The following SLC13A1 variants were observed in gnomAD, a reference collection of about 807,000 sequenced individuals.
SLC13A1 encodes the protein solute carrier family 13 member 1.
In SLC13A1, 65 loss-of-function variants were observed where a neutral mutation model predicts 70.0. The ratio of observed to expected loss-of-function variants is 0.93; its 90% CI spans 0.76 to 1.14. The LOEUF (loss-of-function observed/expected upper bound fraction) is 1.14, where lower values mean the gene tolerates loss of function less well. Among genes scored for constraint, SLC13A1 ranks in the 50% most tolerant of loss-of-function variants. The pLI is 0.00. For synonymous variants in SLC13A1, 275 were observed against 250.5 expected, an observed-to-expected ratio of 1.10 and a Z score of -0.92; for missense variants, 726 against 717.8, an observed-to-expected ratio of 1.01 and a Z score of -0.13.
At position 123,123,143 on chromosome 7, in the gene SLC13A1, G is replaced by T; in HGVS notation, c.1333C>A (p.Leu445Met). The T allele has an allele frequency of 6.2e-7, 1 of 1,612,558 alleles. No homozygotes were observed. The highest frequency in any genetic ancestry group is 1.1e-5 in the South Asian group (1 of 91,058). Residue 445 changes from leucine (L) to methionine (M), a missense_variant, in exon 12 of 15, where the codon CTG (leucine) becomes ATG (methionine). Coordinates refer to ENST00000194130, the MANE Select transcript of SLC13A1 (RefSeq NM_022444.4). Reference protein sequence around the residue: ...IAILVGGGFALADGCEESGLS... With the variant: ...IAILVGGGFAMADGCEESGLS... ...AGTATTACCTCACAACCATCTGCCA[G>T]GGCAAACCCTCCACCAACAAGAATG...
At chr7:123,161,571 G>A (rs189621527) in intron 6 of SLC13A1, among the ~76,000 whole-genome samples, 5 of 152,288 alleles carry the variant, frequency 3.3e-5, no homozygotes, top group Non-Finnish European at 5.9e-5. Context: ...AGAATGGACA[G>A]AGGGAGATGG....
At chr7:123,131,115 T>C (rs1268138995) in intron 8 of SLC13A1, among the ~76,000 whole-genome samples, 2 of 152,226 alleles carry the variant, frequency 1.3e-5, no homozygotes, top group East Asian at 1.9e-4. Flanking sequence ...GGCAAGCCTA[T>C]ACATTCATAA....
chr7:123,121,555 T>C lies in SLC13A1; in HGVS notation c.1350+1571A>G, dbSNP rs542021025. ...GTTGTTATTGCAATTTTAATGGATA[T>C]CTGAAATAAAAAATAAATCCTGCAT... On this transcript the variant is annotated intron_variant, in intron 12 of 14. Coordinates refer to ENST00000194130, the MANE Select transcript of SLC13A1 (RefSeq NM_022444.4). Among the ~76,000 whole-genome samples the C allele has an allele frequency of 6.6e-5, 10 of 152,194 alleles. No individual in the cohort carries two copies. In the East Asian group the frequency reaches 1.9e-3, roughly 29 times the overall value.
intron 7 of SLC13A1, among the ~76,000 whole-genome samples, chr7:123,144,596 C>T (rs533032132): frequency 6.6e-6 from 1 of 152,122 alleles, no homozygotes; most frequent in East Asian, 1.9e-4. Context: ...ATTTTAGCTC[C>T]CAGGTAAAAA....
intron 14 of SLC13A1, among the ~76,000 whole-genome samples, chr7:123,116,143 A>G (rs1480960276): frequency 2.6e-5 from 4 of 152,204 alleles, no homozygotes; most frequent in Admixed American, 1.3e-4. Context: ...GTAATTGTTA[A>G]TTTAACCTTC....
At chr7:123,171,734 C>T (rs1327152580) in intron 3 of SLC13A1, 34 bp downstream of exon 3, 1 of 1,609,896 alleles carries the variant, frequency 6.2e-7, no homozygotes, top group Non-Finnish European at 8.5e-7. Context: ...GTCTGTTCAG[C>T]AGGTAAACTG....
intron 8 of SLC13A1, among the ~76,000 whole-genome samples, chr7:123,133,390 C>G (rs932254310): frequency 6.6e-6 from 1 of 151,268 alleles, no homozygotes; most frequent in African/African-American, 2.5e-5. Context: ...AAGGAAATCT[C>G]CACATTAAAC....
intron 6 of SLC13A1, among the ~76,000 whole-genome samples, chr7:123,163,822 A>C (rs1211937112): frequency 2.6e-5 from 4 of 152,030 alleles, no homozygotes; most frequent in Non-Finnish European, 5.9e-5. Flanking sequence ...TTAACTAGAC[A>C]CTGGAAACTT....
intron 14 of SLC13A1, among the ~76,000 whole-genome samples, chr7:123,115,868 A>G (rs868405703): frequency 4.6e-5 from 7 of 152,170 alleles, no homozygotes; most frequent in African/African-American, 1.7e-4. Flanking sequence ...GGTGTGCTGC[A>G]CCCATTAACT....
intron 6 of SLC13A1, among the ~76,000 whole-genome samples, chr7:123,162,020 A>G (rs932805680): frequency 2.0e-5 from 3 of 150,592 alleles, no homozygotes; most frequent in African/African-American, 7.4e-5. Context: ...GGAGACAAAC[A>G]TATTTCTTTT....
At chr7:123,138,383 G>A (rs537370904) in intron 7 of SLC13A1, among the ~76,000 whole-genome samples, 85 of 152,310 alleles carry the variant, frequency 5.6e-4, no homozygotes, top group Middle Eastern at 3.4e-3. Flanking sequence ...AAACATGGGA[G>A]TGCAGATATA....
intron 1 of SLC13A1, among the ~76,000 whole-genome samples, chr7:123,189,432 C>G (rs1017991758): frequency 3.3e-5 from 5 of 152,108 alleles, no homozygotes; most frequent in African/African-American, 1.2e-4. Flanking sequence ...GAATTATGCT[C>G]TTTTAACATT....
At chr7:123,146,368 T>C (rs976769967) in intron 7 of SLC13A1, among the ~76,000 whole-genome samples, 4 of 151,948 alleles carry the variant, frequency 2.6e-5, no homozygotes, top group Non-Finnish European at 4.4e-5. Context: ...CTACTAAAAG[T>C]ACAAAAATTA....
chr7:123,168,359 A>C lies in SLC13A1; in HGVS notation c.660+15T>G. On this transcript the variant is annotated intron_variant, in intron 6 of 14. Coordinates refer to ENST00000194130, the MANE Select transcript of SLC13A1 (RefSeq NM_022444.4). ...TTTTGTATATAATTATTTAGAAAGA[A>C]TCAAATTTATGTACCTTTTCCAACT... 1 of 1,521,700 alleles carries C rather than the reference A, an allele frequency of 6.6e-7. No homozygotes were observed. Among genetic ancestry groups the C allele is most frequent in the Non-Finnish European group, 9.0e-7 (1 of 1,106,496 alleles). The allele number at this position is 1,521,700 out of a possible 1,614,324, so 94.3% of individuals were successfully genotyped here. A position where few individuals can be genotyped will look rare whatever the true frequency, so the allele number is the denominator to read the frequency against.
chr7:123,170,170 T>C (rs1795221976), intron 3 of SLC13A1, among the ~76,000 whole-genome samples: 2 of 152,162 alleles, frequency 1.3e-5, no homozygotes, highest in Non-Finnish European at 2.9e-5. Context: ...CCTTTCTATA[T>C]AGAGCAATTT....
At chr7:123,191,410 C>A (rs1302861455) in intron 1 of SLC13A1, among the ~76,000 whole-genome samples, 1 of 152,136 alleles carries the variant, frequency 6.6e-6, no homozygotes, top group Non-Finnish European at 1.5e-5. Context: ...TGCTTTCAAC[C>A]ACAGGTTTCC....
intron 1 of SLC13A1, among the ~76,000 whole-genome samples, chr7:123,182,997 TA>T (rs1795688431): frequency 6.6e-6 from 1 of 152,116 alleles, no homozygotes; most frequent in Admixed American, 6.6e-5. Context: ...GAATCTTCTT[TA>T]CACACTTCCT....
At chr7:123,166,182 A>C (rs1433902901) in intron 6 of SLC13A1, among the ~76,000 whole-genome samples, 1 of 152,052 alleles carries the variant, frequency 6.6e-6, no homozygotes, top group Admixed American at 6.6e-5. Context: ...GCTGCTTACA[A>C]TAAGGAGCAG....
Position 123,123,021 on chromosome 7 carries a change from T to C in SLC13A1, c.1350+105A>G, listed in dbSNP as rs918676791. The C allele has an allele frequency of 3.2e-5, 30 of 925,592 alleles. No homozygotes were observed. The Admixed American group carries it at 4.1e-4, about 13-fold the overall frequency. The allele number at this position is 925,592 out of a possible 1,614,324, so 57.3% of individuals were successfully genotyped here. A position where few individuals can be genotyped will look rare whatever the true frequency, so the allele number is the denominator to read the frequency against. ...GCATAGCTAGCAAAATTTGCAACAT[T>C]AAAATGACAGAGTGAAATTGAATAT... On this transcript the variant is annotated intron_variant, in intron 12 of 14. Transcript: ENST00000194130.
Sources: allele counts gnomAD v4.1 joint callset (sites outside exome capture counted in the v4.1 genomes callset), GRCh38; gene constraint gnomAD v4.1.1; transcripts MANE v1.5; gene names NCBI Gene and HGNC (gene_info 2026-07-23, HGNC 2026-07-21).